PRKG1: variants seen among roughly 807,000 people sequenced by gnomAD.
The protein encoded by PRKG1 is protein kinase cGMP-dependent 1.
A neutral mutation model predicts 88.1 loss-of-function variants in PRKG1; 35 were observed. The observed-to-expected ratio is 0.40, with a 90% CI of 0.30 to 0.53. PRKG1 has a LOEUF of 0.53. PRKG1 is among the 20% of genes least tolerant of loss of function. The pLI is 0.59. For synonymous variants in PRKG1, 303 were observed against 292.5 expected (o/e 1.04, Z -0.37); for missense variants, 540 against 839.8 (o/e 0.64, Z 4.41).
At chr10:51,793,095 C>A (rs1244658675) in intron 3 of PRKG1, among the ~76,000 whole-genome samples, 3 of 60,396 alleles carry the variant, frequency 5.0e-5, no homozygotes, top group South Asian at 5.0e-4. Flanking sequence ...AACTGCCCAA[C>A]AAATAATTCA....
intron 2 of PRKG1, among the ~76,000 whole-genome samples, chr10:51,441,605 C>A (rs1357673772): frequency 3.3e-5 from 5 of 151,912 alleles, no homozygotes; most frequent in African/African-American, 1.2e-4. Context: ...TGGCTAGAAT[C>A]CACACAGAAG....
At chr10:51,604,331 G>T (rs1838697559) in intron 3 of PRKG1, among the ~76,000 whole-genome samples, 1 of 151,982 alleles carries the variant, frequency 6.6e-6, no homozygotes, top group Non-Finnish European at 1.5e-5. Context: ...AATGATTGTT[G>T]TTTTGCCTCA....
intron 3 of PRKG1, among the ~76,000 whole-genome samples, chr10:51,739,510 C>T (rs181349494): frequency 6.6e-6 from 1 of 152,244 alleles, no homozygotes; most frequent in Non-Finnish European, 1.5e-5. Context: ...TTGCTCCTAA[C>T]AGCCTCCCAG....
intron 3 of PRKG1, among the ~76,000 whole-genome samples, chr10:51,657,343 A>G (rs145760624): frequency 2.1e-4 from 32 of 152,310 alleles, no homozygotes; most frequent in African/African-American, 6.7e-4. Flanking sequence ...TATTCTCATG[A>G]TAAAAATCAT....
chr10:52,297,969 AACAG>A lies in PRKG1; in HGVS notation c.*4075_*4078del, dbSNP rs1842414535. On this transcript the variant is annotated 3_prime_UTR_variant, in exon 18 of 18. Coordinates refer to ENST00000373980, the MANE Select transcript of PRKG1 (RefSeq NM_006258.4). The stretch of plus-strand genomic sequence containing the variant: ...TAGCCCTCCTCTCTGCCCCTGAATC[AACAG>A]ACAGAGCTCTGGGACCTTGGCAATG... The A allele has an allele frequency of 6.6e-6, 1 of 152,162 alleles. No homozygotes were observed. The highest frequency in any genetic ancestry group is 1.5e-5 in the Non-Finnish European group (1 of 68,026). The allele number at this position is 152,162 out of a possible 1,614,324, so 9.4% of individuals were successfully genotyped here. A position where few individuals can be genotyped will look rare whatever the true frequency, so the allele number is the denominator to read the frequency against.
chr10:51,455,673 A>T lies in PRKG1; in HGVS notation c.479-12050A>T, dbSNP rs1225198078. Among the ~76,000 whole-genome samples, 4 of 152,122 alleles carry T rather than the reference A, an allele frequency of 2.6e-5. No homozygotes were observed. In the South Asian group the frequency reaches 8.3e-4, roughly 31 times the overall value. ...CATAGCAACAGTCACTTTTATTCCA[A>T]TTCCCAACACGTTCCTCATCTCCAT... On this transcript the variant is annotated intron_variant, in intron 2 of 17. Coordinates refer to ENST00000373980, the MANE Select transcript of PRKG1 (RefSeq NM_006258.4).
intron 3 of PRKG1, among the ~76,000 whole-genome samples, chr10:51,756,858 A>T (rs1217852099): frequency 6.6e-6 from 1 of 151,762 alleles, no homozygotes; most frequent in African/African-American, 2.4e-5. Context: ...TAAAAAATAA[A>T]AATATAAAAA....
intron 9 of PRKG1, among the ~76,000 whole-genome samples, chr10:52,172,807 A>G (rs2132712727): frequency 6.6e-6 from 1 of 152,186 alleles, no homozygotes; most frequent in South Asian, 2.1e-4. Flanking sequence ...AGGAGGCCAC[A>G]TATATTTACA....
chr10:51,184,875 G>T (rs1023357677), intron 2 of PRKG1, among the ~76,000 whole-genome samples: 1 of 152,128 alleles, frequency 6.6e-6, no homozygotes, highest in Non-Finnish European at 1.5e-5. Context: ...TTCAGGCACA[G>T]AAATGGAGCT....
chr10:51,388,148 C>T (rs1027581070), intron 2 of PRKG1, among the ~76,000 whole-genome samples: 1 of 151,988 alleles, frequency 6.6e-6, no homozygotes, highest in African/African-American at 2.4e-5. Flanking sequence ...TATATAAGAC[C>T]GTTACTATGA....
At chr10:52,283,269 T>G (rs1204059806) in intron 14 of PRKG1, among the ~76,000 whole-genome samples, 1 of 152,004 alleles carries the variant, frequency 6.6e-6, no homozygotes, top group Non-Finnish European at 1.5e-5. Context: ...GTTGCAGTAA[T>G]TTAGTTCTAG....
At chr10:52,037,448 G>A (rs1426355606) in intron 5 of PRKG1, among the ~76,000 whole-genome samples, 1 of 152,218 alleles carries the variant, frequency 6.6e-6, no homozygotes, top group African/African-American at 2.4e-5. Context: ...TTAATGTCTG[G>A]AGCAGATTGG....
chr10:52,282,092 CTTA>C lies in PRKG1; in HGVS notation c.1546-57_1546-55del, dbSNP rs370323468. 5.6e-4 allele frequency: 793 copies of C among 1,404,946 alleles called. 8 individuals are homozygous for C. In the African/African-American group the frequency reaches 0.01, roughly 18 times the overall value. 87.0% of individuals were successfully genotyped at this position (1,404,946 alleles called of 1,614,324 possible). On this transcript the variant is annotated intron_variant, in intron 13 of 17. Coordinates refer to ENST00000373980, the MANE Select transcript of PRKG1 (RefSeq NM_006258.4). ...TCATCATCAGTGTGCTTCAAAATAACTTATTACTTTAAAACTTAATCATAAGGA... is the reference window on the plus strand; with the variant it reads ...TCATCATCAGTGTGCTTCAAAATAACTTACTTTAAAACTTAATCATAAGGA...
chr10:51,889,468 AT>A (rs1564694560), intron 4 of PRKG1, among the ~76,000 whole-genome samples: 1 of 152,140 alleles, frequency 6.6e-6, no homozygotes, highest in African/African-American at 2.4e-5. Flanking sequence ...ATTGATGGAC[AT>A]TTGAGTTGGT....
At chr10:52,275,519 T>C (rs947288369) in intron 12 of PRKG1, among the ~76,000 whole-genome samples, 2 of 152,198 alleles carry the variant, frequency 1.3e-5, no homozygotes, top group Admixed American at 6.6e-5. Context: ...CTGGGTTCTC[T>C]ATTCTGTTCC....
intron 3 of PRKG1, chr10:51,697,555 GAAAA>G (rs1841330518): frequency 1.2e-6 from 1 of 837,052 alleles, no homozygotes; most frequent in Admixed American, 3.0e-5. Flanking sequence ...CAGAAAGAAA[GAAAA>G]AGAACAAAAA....
intron 9 of PRKG1, among the ~76,000 whole-genome samples, chr10:52,190,600 T>A (rs994734085): frequency 3.3e-5 from 5 of 152,184 alleles, no homozygotes; most frequent in African/African-American, 1.2e-4. Context: ...CCTATGGAGG[T>A]TTAAGTCTAT....
At chr10:51,704,177 AAAATT>A (rs1217507731) in intron 3 of PRKG1, among the ~76,000 whole-genome samples, 2 of 151,036 alleles carry the variant, frequency 1.3e-5, no homozygotes, top group Non-Finnish European at 1.5e-5. Context: ...ATAAATAAAT[AAAATT>A]AAATTAAATA....
chr10:51,143,093 G>A (rs901841117), intron 1 of PRKG1, among the ~76,000 whole-genome samples: 1 of 151,920 alleles, frequency 6.6e-6, no homozygotes, highest in Non-Finnish European at 1.5e-5. Flanking sequence ...CTATTAAACT[G>A]TAATTATGTA....
Sources: gnomAD v4.1 joint callset for allele counts (sites outside exome capture counted in the v4.1 genomes callset) on GRCh38, gnomAD v4.1.1 for gene constraint, MANE v1.5 for transcripts, NCBI Gene and HGNC (gene_info 2026-07-23, HGNC 2026-07-21) for gene names.